The following PHLPP1 variants were observed in gnomAD, a reference collection of about 807,000 sequenced individuals.
PHLPP1 encodes the protein PH domain and leucine rich repeat protein phosphatase 1.
PHLPP1 carries 42 observed loss-of-function variants against 117.2 expected under a neutral mutation model. That is an observed-to-expected ratio of 0.36 (90% CI 0.28 to 0.46). The LOEUF (loss-of-function observed/expected upper bound fraction) is 0.46. Ranked by LOEUF, PHLPP1 falls within the 20% of genes least tolerant of loss-of-function variation. PHLPP1 has a pLI of 1.00. For synonymous variants in PHLPP1, 1,042 were observed against 970.7 expected (o/e 1.07, Z -1.37); for missense variants, 2,084 against 2,241.9 (o/e 0.93, Z 1.42).
intron 8 of PHLPP1, among the ~76,000 whole-genome samples, chr18:62,913,181 T>C (rs759679241): frequency 4.6e-5 from 7 of 152,214 alleles, no homozygotes; most frequent in Non-Finnish European, 7.3e-5. Flanking sequence ...GGTTCCTCCA[T>C]GCAAAGTTCT....
chr18:62,861,003 T>C (rs950412734), intron 4 of PHLPP1, among the ~76,000 whole-genome samples: 11 of 152,250 alleles, frequency 7.2e-5, no homozygotes, highest in African/African-American at 2.7e-4. Context: ...TAAAAAGATA[T>C]TTCCTTAGAA....
chr18:62,932,776 C>T (rs1204397549), intron 10 of PHLPP1, among the ~76,000 whole-genome samples: 2 of 152,200 alleles, frequency 1.3e-5, no homozygotes, highest in East Asian at 3.9e-4. Context: ...AGCAGTCAGG[C>T]AAGAGAAAGA....
chr18:62,882,418 G>A lies in PHLPP1; in HGVS notation c.2067-12593G>A, dbSNP rs552467769. The stretch of plus-strand genomic sequence containing the variant: ...CGAGTAGCTGGGACTACAGGCGCCC[G>A]CCACCGCGCCTGGATAATTTTTTTT... On this transcript the variant is annotated intron_variant, in intron 4 of 16. Transcript: ENST00000262719. 3.9e-4 allele frequency among the ~76,000 whole-genome samples: 60 copies of A among 152,098 alleles called. 1 individual carries two copies. In the Middle Eastern group the frequency reaches 0.01, roughly 26 times the overall value.
chr18:62,979,042 G>T lies in PHLPP1; in HGVS notation c.4765G>T (p.Glu1589Ter). Residue 1589 changes from glutamate to a stop codon, truncating the protein, a stop_gained, in exon 17 of 17, where the codon GAG becomes TAG. Coordinates refer to ENST00000262719, the MANE Select transcript of PHLPP1 (RefSeq NM_194449.4). LOFTEE classifies it low-confidence loss of function (END_TRUNC). ...KQQHLLQVPA[E>*]ASDEGIVISA... ...GCAGCACCTGCTTCAGGTGCCAGCA[G>T]AGGCCAGTGATGAGGGCATTGTCAT... 1 of 1,613,864 alleles carries T rather than the reference G, an allele frequency of 6.2e-7. No individual in the cohort carries two copies. Among genetic ancestry groups the T allele is most frequent in the Non-Finnish European group, 8.5e-7 (1 of 1,179,814 alleles).
At chr18:62,822,100 A>C (rs1245134243) in intron 1 of PHLPP1, among the ~76,000 whole-genome samples, 1 of 152,082 alleles carries the variant, frequency 6.6e-6, no homozygotes, top group African/African-American at 2.4e-5. Context: ...TTCTTAAAGC[A>C]AAATATTATC....
intron 4 of PHLPP1, among the ~76,000 whole-genome samples, chr18:62,883,910 T>G (rs1193907891): frequency 6.6e-6 from 1 of 152,190 alleles, no homozygotes; most frequent in Admixed American, 6.5e-5. Flanking sequence ...CTTTGAATTT[T>G]CAGAGTCTCT....
intron 4 of PHLPP1, among the ~76,000 whole-genome samples, chr18:62,884,954 T>C (rs1296084394): frequency 6.6e-6 from 1 of 152,226 alleles, no homozygotes; most frequent in East Asian, 1.9e-4. Flanking sequence ...CTTAGATATA[T>C]CTAAAGCTAA....
intron 1 of PHLPP1, among the ~76,000 whole-genome samples, chr18:62,795,713 C>T (rs898579872): frequency 6.6e-6 from 1 of 152,032 alleles, no homozygotes; most frequent in African/African-American, 2.4e-5. Flanking sequence ...CATAGACATC[C>T]CTTAGCGCCT....
chr18:62,879,281 C>T (rs1302225230), intron 4 of PHLPP1, among the ~76,000 whole-genome samples: 2 of 152,204 alleles, frequency 1.3e-5, no homozygotes, highest in East Asian at 1.9e-4. Flanking sequence ...TGCTCTTCTG[C>T]CATGGGATGA....
intron 5 of PHLPP1, 34 bp downstream of exon 5, chr18:62,895,191 C>T (rs1246361791): frequency 1.2e-6 from 2 of 1,600,694 alleles, no homozygotes; most frequent in Non-Finnish European, 1.7e-6. Context: ...CGGGTATATC[C>T]AGAAGCCCCA....
In PHLPP1 at chr18:62,886,514, G is replaced by A. The variant is rs376525097; in HGVS notation, c.2067-8497G>A. 2.4e-4 allele frequency among the ~76,000 whole-genome samples: 36 copies of A among 152,220 alleles called. 1 individual carries two copies. In the South Asian group the frequency reaches 7.3e-3, roughly 31 times the overall value. On this transcript the variant is annotated intron_variant, in intron 4 of 16. Coordinates refer to ENST00000262719, the MANE Select transcript of PHLPP1 (RefSeq NM_194449.4). Reference sequence around the variant, plus strand: ...GGTCTTGAGCTCCTGGCCTCAAGTGGTCCTCCTGCCTCAGCTTCCCAAAGT... The same window carrying A: ...GGTCTTGAGCTCCTGGCCTCAAGTGATCCTCCTGCCTCAGCTTCCCAAAGT...
At chr18:62,848,683 T>C (rs1915245268) in intron 3 of PHLPP1, among the ~76,000 whole-genome samples, 2 of 152,204 alleles carry the variant, frequency 1.3e-5, no homozygotes, top group Admixed American at 1.3e-4. Context: ...AGGCTGGCCT[T>C]GAGCTCCTGG....
At chr18:62,770,357 G>A in intron 1 of PHLPP1, among the ~76,000 whole-genome samples, 1 of 152,188 alleles carries the variant, frequency 6.6e-6, no homozygotes, top group Non-Finnish European at 1.5e-5. Flanking sequence ...TGATCCACCT[G>A]CCTTGGCCTC....
intron 10 of PHLPP1, among the ~76,000 whole-genome samples, chr18:62,924,473 T>C (rs1909564775): frequency 6.6e-6 from 1 of 151,758 alleles, no homozygotes; most frequent in South Asian, 2.1e-4. Flanking sequence ...TCATGAGAGT[T>C]TTCCTTTGCT....
At chr18:62,889,036 C>G (rs1916350919) in intron 4 of PHLPP1, among the ~76,000 whole-genome samples, 1 of 152,210 alleles carries the variant, frequency 6.6e-6, no homozygotes, top group African/African-American at 2.4e-5. Flanking sequence ...TATAATCTGA[C>G]TGCTTTCCAC....
intron 1 of PHLPP1, among the ~76,000 whole-genome samples, chr18:62,762,801 C>T (rs1051199541): frequency 3.3e-5 from 5 of 151,998 alleles, no homozygotes; most frequent in African/African-American, 4.8e-5. Context: ...ATTTTGCGAC[C>T]TTGGTTTTTA....
chr18:62,780,238 T>A (rs1913079623), intron 1 of PHLPP1, among the ~76,000 whole-genome samples: 1 of 152,174 alleles, frequency 6.6e-6, no homozygotes, highest in African/African-American at 2.4e-5. Flanking sequence ...GTCTAGTTTA[T>A]TTCAGTTTTT....
At chr18:62,971,319 G>A (rs906306469) in intron 14 of PHLPP1, among the ~76,000 whole-genome samples, 3 of 150,854 alleles carry the variant, frequency 2.0e-5, no homozygotes, top group Non-Finnish European at 4.4e-5. Context: ...AGTATAGTAG[G>A]CTGTTTGAAG....
chr18:62,745,042 GT>G (rs1284816667), intron 1 of PHLPP1, among the ~76,000 whole-genome samples: 1 of 152,174 alleles, frequency 6.6e-6, no homozygotes. Flanking sequence ...ATTTTGTAAT[GT>G]TTTAAAACCT....
Sources: gnomAD v4.1 joint callset for allele counts (sites outside exome capture counted in the v4.1 genomes callset) on GRCh38, gnomAD v4.1.1 for gene constraint, MANE v1.5 for transcripts, NCBI Gene and HGNC (gene_info 2026-07-23, HGNC 2026-07-21) for gene names.